Variants in MYO16 observed in about 807,000 individuals in gnomAD.
MYO16 encodes the protein myosin XVI.
Under a neutral mutation model 205.3 loss-of-function variants are expected in MYO16, and 94 were observed. The ratio of observed to expected loss-of-function variants is 0.46; its 90% CI spans 0.39 to 0.54. The LOEUF is 0.54. Among genes scored for constraint, MYO16 ranks in the 20% least tolerant of loss-of-function variants. The probability of loss-of-function intolerance (pLI) is 0.00; values close to 1 mark genes in which losing one functional copy is unlikely to be tolerated. For missense variants in MYO16, 2,315 were observed against 2,387.5 expected, an observed-to-expected ratio of 0.97 and a Z score of 0.63; for synonymous variants, 988 against 954.0, an observed-to-expected ratio of 1.04 and a Z score of -0.66.
intron 15 of MYO16, among the ~76,000 whole-genome samples, chr13:108,904,023 T>G (rs982261467): frequency 6.6e-6 from 1 of 152,210 alleles, no homozygotes; most frequent in Non-Finnish European, 1.5e-5. Flanking sequence ...ATTTGAAGGT[T>G]GATAGGTGCT....
At chr13:108,752,273 T>C (rs1412867261) in intron 4 of MYO16, among the ~76,000 whole-genome samples, 1 of 152,150 alleles carries the variant, frequency 6.6e-6, no homozygotes, top group Non-Finnish European at 1.5e-5. Flanking sequence ...GAAAATATTA[T>C]AGAAGTCAAC....
intron 4 of MYO16, among the ~76,000 whole-genome samples, chr13:108,727,913 G>A (rs752188275): frequency 3.1e-4 from 47 of 151,994 alleles, no homozygotes; most frequent in Non-Finnish European, 6.0e-4. Flanking sequence ...AGCCAAAGAG[G>A]CATAACATTA....
the MYO16 span, among the ~76,000 whole-genome samples, chr13:108,529,903 C>T: frequency 6.6e-6 from 1 of 152,186 alleles, no homozygotes; most frequent in Non-Finnish European, 1.5e-5. Context: ...CACTCTGTTA[C>T]AGCACAGGGG....
rs565398112 is a variant in MYO16 at position 108,856,906 on chromosome 13, C to T, written c.1359+1353C>T. Among the ~76,000 whole-genome samples, 3 of 152,252 alleles carry T rather than the reference C, an allele frequency of 2.0e-5. No homozygotes were observed. The East Asian group carries it at 5.8e-4, about 29-fold the overall frequency. ...GTTTTATAAAGCACAAATGTAATCT[C>T]AAAACTCCCAGTCTTGAATCTTCTC... On this transcript the variant is annotated intron_variant, in intron 11 of 34. Coordinates refer to ENST00000457511, the MANE Select transcript of MYO16 (RefSeq NM_001198950.3).
At chr13:108,948,062 G>A (rs1314726252) in intron 16 of MYO16, among the ~76,000 whole-genome samples, 1 of 152,162 alleles carries the variant, frequency 6.6e-6, no homozygotes, top group Non-Finnish European at 1.5e-5. Flanking sequence ...CTTGAGGAGG[G>A]GGAGACTTAA....
At chr13:108,542,826 T>G in the MYO16 span, among the ~76,000 whole-genome samples, 1 of 151,862 alleles carries the variant, frequency 6.6e-6, no homozygotes, top group Non-Finnish European at 1.5e-5. Context: ...CATCTGCATT[T>G]TATTCTATTA....
chr13:109,043,745 T>TG (rs1231188156), intron 23 of MYO16, among the ~76,000 whole-genome samples: 1 of 152,112 alleles, frequency 6.6e-6, no homozygotes, highest in Non-Finnish European at 1.5e-5. Flanking sequence ...GGAGCCGTCC[T>TG]GGGGGAGGGG....
chr13:108,799,203 T>A (rs1416963226), intron 6 of MYO16, among the ~76,000 whole-genome samples: 1 of 152,196 alleles, frequency 6.6e-6, no homozygotes, highest in African/African-American at 2.4e-5. Flanking sequence ...AACCTCAAAT[T>A]AAAGTGTCCA....
At chr13:108,569,572 A>G in the MYO16 span, among the ~76,000 whole-genome samples, 7 of 152,100 alleles carry the variant, frequency 4.6e-5, no homozygotes, top group Non-Finnish European at 1.0e-4. Context: ...TTTTCTATGT[A>G]CAAGAGTATG....
chr13:108,500,475 G>C, the MYO16 span, among the ~76,000 whole-genome samples: 1 of 151,766 alleles, frequency 6.6e-6, no homozygotes, highest in African/African-American at 2.4e-5. Context: ...TGATCCACTC[G>C]CCTCGGCCTC....
intron 15 of MYO16, among the ~76,000 whole-genome samples, chr13:108,907,463 A>G (rs1274894061): frequency 6.6e-6 from 1 of 152,200 alleles, no homozygotes; most frequent in Non-Finnish European, 1.5e-5. Context: ...GAACACTTAC[A>G]TGAATGCGTC....
At chr13:109,007,056 G>A (rs912391442) in intron 21 of MYO16, among the ~76,000 whole-genome samples, 5 of 152,158 alleles carry the variant, frequency 3.3e-5, no homozygotes, top group Admixed American at 1.3e-4. Flanking sequence ...GATGGGTCAA[G>A]AGAAACAAAT....
chr13:108,625,894 A>G (rs1879717119), upstream of MYO16, among the ~76,000 whole-genome samples: 2 of 152,250 alleles, frequency 1.3e-5, no homozygotes, highest in Non-Finnish European at 2.9e-5. Context: ...ATTAGGAATT[A>G]TCTGTCAGCA....
At chr13:109,074,504 G>T (rs887107852) in intron 27 of MYO16, among the ~76,000 whole-genome samples, 1 of 152,154 alleles carries the variant, frequency 6.6e-6, no homozygotes, top group African/African-American at 2.4e-5. Flanking sequence ...AGCAAGGGGG[G>T]AAGTGCCACA....
intron 7 of MYO16, among the ~76,000 whole-genome samples, chr13:108,807,138 C>G (rs1204726129): frequency 6.6e-6 from 1 of 152,070 alleles, no homozygotes; most frequent in Non-Finnish European, 1.5e-5. Flanking sequence ...TATGTGTTTT[C>G]TACGGCAAAT....
chr13:109,008,158 G>GT (rs932323474), intron 21 of MYO16, among the ~76,000 whole-genome samples: 10 of 152,190 alleles, frequency 6.6e-5, no homozygotes, highest in African/African-American at 2.4e-4. Context: ...CTAGACTTCA[G>GT]TTGAAACTCT....
intron 6 of MYO16, among the ~76,000 whole-genome samples, chr13:108,804,937 T>C (rs1335596786): frequency 6.6e-6 from 1 of 152,188 alleles, no homozygotes; most frequent in African/African-American, 2.4e-5. Context: ...GCAAATCTAA[T>C]CCTGCAGGGA....
At chr13:108,868,133 T>C (rs1878817116) in intron 12 of MYO16, among the ~76,000 whole-genome samples, 1 of 152,230 alleles carries the variant, frequency 6.6e-6, no homozygotes, top group African/African-American at 2.4e-5. Context: ...CACAATTTTT[T>C]TTTGATAACA....
intron 16 of MYO16, among the ~76,000 whole-genome samples, chr13:108,926,882 A>G (rs542909530): frequency 1.3e-5 from 2 of 152,328 alleles, no homozygotes; most frequent in Admixed American, 6.5e-5. Context: ...AACATACCAC[A>G]GAAATAATTT....
Sources: gnomAD v4.1 joint callset for allele counts (sites outside exome capture counted in the v4.1 genomes callset) on GRCh38, gnomAD v4.1.1 for gene constraint, MANE v1.5 for transcripts, NCBI Gene and HGNC (gene_info 2026-07-23, HGNC 2026-07-21) for gene names.